Variants in ZNF704 observed in about 807,000 individuals in gnomAD.
ZNF704 encodes the protein zinc finger protein 704.
ZNF704 carries 10 observed loss-of-function variants against 44.7 expected under a neutral mutation model. The ratio of observed to expected loss-of-function variants is 0.22; its 90% CI spans 0.14 to 0.38. The LOEUF is 0.38. Among genes scored for constraint, ZNF704 ranks in the 10% least tolerant of loss-of-function variants. The pLI, the probability that ZNF704 is intolerant of heterozygous loss-of-function variation, is 1.00. For synonymous variants in ZNF704, 211 were observed against 207.6 expected, an observed-to-expected ratio of 1.02 and a Z score of -0.14; for missense variants, 390 against 545.5, an observed-to-expected ratio of 0.71 and a Z score of 2.84.
In ZNF704 at chr8:80,638,589, T is replaced by TA. The variant is rs942186144; in HGVS notation, c.*2776dup. On this transcript the variant is annotated 3_prime_UTR_variant, in exon 9 of 9. Transcript: ENST00000327835. ...AAATATAACAAAATAATGCTACGTT[T>TA]AAAAAAAAAAAACCCTAACTTGCAC... The TA allele has an allele frequency of 3.7e-3, 542 of 145,320 alleles. 5 individuals carry two copies. The highest frequency in any genetic ancestry group is 0.01 in the African/African-American group (416 of 39,848). 9.0% of individuals were successfully genotyped at this position (145,320 alleles called of 1,614,324 possible).
chr8:80,690,080 A>T (rs1463150250), intron 3 of ZNF704, among the ~76,000 whole-genome samples: 1 of 151,482 alleles, frequency 6.6e-6, no homozygotes. Context: ...AAAAGCCTTC[A>T]TTATAATAAA....
intron 1 of ZNF704, among the ~76,000 whole-genome samples, chr8:80,845,103 C>T (rs920495171): frequency 3.9e-5 from 6 of 152,142 alleles, no homozygotes; most frequent in African/African-American, 1.4e-4. Flanking sequence ...TTCTGCTCCC[C>T]TCCACAAATT....
At chr8:80,871,556 G>C (rs771389960) in intron 1 of ZNF704, among the ~76,000 whole-genome samples, 1 of 152,208 alleles carries the variant, frequency 6.6e-6, no homozygotes, top group Non-Finnish European at 1.5e-5. Context: ...TCTTGCTTAT[G>C]CATGTACATC....
intron 7 of ZNF704, 50 bp from the exon 8 acceptor site, chr8:80,643,179 G>T: frequency 7.1e-7 from 1 of 1,414,158 alleles, no homozygotes; most frequent in Non-Finnish European, 9.8e-7. Context: ...CTCCACCCAT[G>T]CAGTTAGTTA....
At chr8:80,778,784 T>C (rs920558694) in intron 2 of ZNF704, among the ~76,000 whole-genome samples, 1 of 152,044 alleles carries the variant, frequency 6.6e-6, no homozygotes, top group Non-Finnish European at 1.5e-5. Flanking sequence ...ATCTTCTCAC[T>C]TACAAGTGGG....
At position 80,692,172 on chromosome 8, in the gene ZNF704, C is replaced by T. The variant is rs147457416; in HGVS notation, c.325+832G>A. On this transcript the variant is annotated intron_variant, in intron 3 of 8. Coordinates refer to ENST00000327835, the MANE Select transcript of ZNF704 (RefSeq NM_001033723.3). ...GGTCTCCCAGTCTCTCCAACTTCAC[C>T]TCCTACTGCCTGACCTCCTTATTTA... is the stretch of plus-strand genomic sequence containing the variant. 1.7e-3 allele frequency among the ~76,000 whole-genome samples: 265 copies of T among 152,284 alleles called. 1 individual carries two copies. Among genetic ancestry groups the T allele is most frequent in the Middle Eastern group, 6.8e-3 (2 of 294 alleles).
At chr8:80,717,755 A>C (rs1819094331) in intron 2 of ZNF704, among the ~76,000 whole-genome samples, 1 of 152,144 alleles carries the variant, frequency 6.6e-6, no homozygotes, top group African/African-American at 2.4e-5. Context: ...ACTGCCTCCT[A>C]GTGATCTTGT....
At chr8:80,871,273 C>T (rs936621574) in intron 1 of ZNF704, among the ~76,000 whole-genome samples, 2 of 152,210 alleles carry the variant, frequency 1.3e-5, no homozygotes, top group African/African-American at 4.8e-5. Flanking sequence ...AAAGGGCCCA[C>T]CAGGCTCTCT....
intron 2 of ZNF704, among the ~76,000 whole-genome samples, chr8:80,747,863 C>A (rs1364515504): frequency 2.0e-5 from 3 of 152,194 alleles, no homozygotes; most frequent in Non-Finnish European, 4.4e-5. Context: ...ACTACAGGTG[C>A]ATGCCACCAC....
intron 2 of ZNF704, among the ~76,000 whole-genome samples, chr8:80,788,209 C>A (rs1807646389): frequency 6.6e-6 from 1 of 152,168 alleles, no homozygotes; most frequent in South Asian, 2.1e-4. Context: ...AAACTTCACT[C>A]ATTTAAACCA....
chr8:80,883,245 CAAAAAAA>C, the ZNF704 span, among the ~76,000 whole-genome samples: 41 of 83,420 alleles, frequency 4.9e-4, no homozygotes, highest in African/African-American at 1.8e-3. Flanking sequence ...GACACCCTCT[CAAAAAAA>C]AAAAAAAAAA....
intron 1 of ZNF704, among the ~76,000 whole-genome samples, chr8:80,847,919 T>C (rs942655252): frequency 6.6e-6 from 1 of 152,186 alleles, no homozygotes; most frequent in African/African-American, 2.4e-5. Context: ...CAGAAAGCAA[T>C]TGTACTTTTA....
chr8:80,841,488 T>C (rs1808678544), intron 1 of ZNF704, among the ~76,000 whole-genome samples: 1 of 152,192 alleles, frequency 6.6e-6, no homozygotes, highest in Non-Finnish European at 1.5e-5. Flanking sequence ...ATTGCTATCA[T>C]CATTTTTCAC....
intron 2 of ZNF704, among the ~76,000 whole-genome samples, chr8:80,772,596 C>T (rs1807339504): frequency 6.6e-6 from 1 of 152,038 alleles, no homozygotes; most frequent in Non-Finnish European, 1.5e-5. Context: ...TGGTGCTAAA[C>T]CATCAGAAAC....
Position 80,644,936 on chromosome 8 carries a change from T to G in ZNF704, c.1033-1807A>C. On this transcript the variant is annotated intron_variant, in intron 7 of 8. Coordinates refer to ENST00000327835, the MANE Select transcript of ZNF704 (RefSeq NM_001033723.3). ...GCTGAAAAGCAGCTTGCCAGCTTCA[T>G]TTCTTTGTTTTCTCGGGTAGTGGGT... The G allele has an allele frequency of 3.7e-6, 4 of 1,076,238 alleles. No homozygotes were observed. In the East Asian group the frequency reaches 9.4e-5, roughly 25 times the overall value. 66.7% of individuals were successfully genotyped at this position (1,076,238 alleles called of 1,614,324 possible). A position where few individuals can be genotyped will look rare whatever the true frequency, so the allele number is the denominator to read the frequency against.
chr8:80,830,026 CAT>C (rs775535955), intron 1 of ZNF704, among the ~76,000 whole-genome samples: 38 of 152,142 alleles, frequency 2.5e-4, no homozygotes, highest in Non-Finnish European at 4.8e-4. Flanking sequence ...ATATGTATCA[CAT>C]GTTCTTTTTA....
chr8:80,661,911 T>G (rs1818108224), intron 6 of ZNF704, among the ~76,000 whole-genome samples: 2 of 152,146 alleles, frequency 1.3e-5, no homozygotes, highest in Admixed American at 6.6e-5. Context: ...CAACAATGTA[T>G]TTTATATTTC....
chr8:80,882,960 A>G, the ZNF704 span, among the ~76,000 whole-genome samples: 2 of 150,630 alleles, frequency 1.3e-5, no homozygotes, highest in African/African-American at 4.9e-5. Context: ...CTTAATGGCC[A>G]GGTGTGGTGG....
At chr8:80,726,700 T>C (rs1488637202) in intron 2 of ZNF704, among the ~76,000 whole-genome samples, 1 of 152,246 alleles carries the variant, frequency 6.6e-6, no homozygotes, top group East Asian at 1.9e-4. Context: ...CCTATTTCAG[T>C]GTATGTTTAA....
Sources: allele counts gnomAD v4.1 joint callset (sites outside exome capture counted in the v4.1 genomes callset), GRCh38; gene constraint gnomAD v4.1.1; transcripts MANE v1.5; gene names NCBI Gene and HGNC (gene_info 2026-07-23, HGNC 2026-07-21).